The following NCOR1 variants were observed in gnomAD, a reference collection of about 807,000 sequenced individuals.
NCOR1 encodes the protein nuclear receptor corepressor 1.
A neutral mutation model predicts 288.1 loss-of-function variants in NCOR1; 63 were observed. That is an observed-to-expected ratio of 0.22 (90% confidence interval 0.18 to 0.27). The LOEUF (loss-of-function observed/expected upper bound fraction) is 0.27. NCOR1 is among the 10% of genes least tolerant of loss of function. The probability of loss-of-function intolerance (pLI) is 1.00; values close to 1 mark genes in which losing one functional copy is unlikely to be tolerated. For synonymous variants in NCOR1, 1,007 were observed against 1,065.9 expected, an observed-to-expected ratio of 0.94 and a Z score of 1.08; for missense variants, 2,397 against 3,019.2, an observed-to-expected ratio of 0.79 and a Z score of 4.83.
chr17:16,128,090 T>C (rs1455316963), intron 14 of NCOR1, among the ~76,000 whole-genome samples: 1 of 152,076 alleles, frequency 6.6e-6, no homozygotes, highest in Non-Finnish European at 1.5e-5. Context: ...GCATTTTTAT[T>C]TAATTCAGAA....
Position 16,031,295 on chromosome 17 carries a change from A to G in NCOR1, c.*1001T>C, listed in dbSNP as rs1971941863. On this transcript the variant is annotated 3_prime_UTR_variant, in exon 46 of 46. Transcript: ENST00000268712. Reference sequence around the variant, plus strand: ...TTATCTAAATACTACACAGATCATTATCTTTTAACCCAACCAATCATATAT... The same window carrying G: ...TTATCTAAATACTACACAGATCATTGTCTTTTAACCCAACCAATCATATAT... The G allele has an allele frequency of 5.2e-6, 1 of 193,374 alleles. No individual in the cohort carries two copies. Among genetic ancestry groups the G allele is most frequent in the South Asian group, 1.9e-4 (1 of 5,184 alleles). The allele number at this position is 193,374 out of a possible 1,614,324, so 12.0% of individuals were successfully genotyped here. A position where few individuals can be genotyped will look rare whatever the true frequency, so the allele number is the denominator to read the frequency against.
Position 16,062,245 on chromosome 17 carries a change from G to A in NCOR1, c.5247C>T (p.Gly1749=), listed in dbSNP as rs754462039. The part of the protein sequence containing the change: ...RPGSEQPGRP[G]SHGYVRSPSP... Reference sequence around the variant, plus strand: ...AAGGGGAGCGAACATATCCATGACTGCCAGGTCGGCCAGGCTGTTCTGAGC... The same window carrying A: ...AAGGGGAGCGAACATATCCATGACTACCAGGTCGGCCAGGCTGTTCTGAGC... The change falls in exon 36 of 46, where the codon GGC becomes GGT. Residue 1749 remains glycine (G), a synonymous_variant. Coordinates refer to ENST00000268712, the MANE Select transcript of NCOR1 (RefSeq NM_006311.4). The A allele has an allele frequency of 6.8e-6, 11 of 1,609,650 alleles. 1 individual carries two copies. The South Asian group carries it at 1.0e-4, about 15-fold the overall frequency.
intron 1 of NCOR1, among the ~76,000 whole-genome samples, chr17:16,211,325 A>G (rs140301710): frequency 1.4e-3 from 209 of 151,816 alleles, no homozygotes; most frequent in African/African-American, 4.8e-3. Flanking sequence ...CACTGGCATG[A>G]TCATGGCTCA....
At chr17:16,106,883 ATTTTTTTTTTT>A (rs144246158) in intron 19 of NCOR1, among the ~76,000 whole-genome samples, 2 of 31,402 alleles carry the variant, frequency 6.4e-5, no homozygotes, top group Middle Eastern at 0.033. Flanking sequence ...ATATATATAT[ATTTTTTTTTTT>A]TTTTTTTTTT....
At position 16,121,097 on chromosome 17, in the gene NCOR1, C is replaced by T. The variant is rs2153150708; in HGVS notation, c.1807G>A (p.Ala603Thr). 6.2e-7 allele frequency: 1 copy of T among 1,614,138 alleles called. No homozygotes were observed. The highest frequency in any genetic ancestry group is 8.5e-7 in the Non-Finnish European group (1 of 1,180,006). ...AAAASAAAAA[A>T]TEEPPPPLPP... ...AGAGGTGGTGGGGGCTCTTCAGTAGCCGCTGCGGCTGCAGCACTGGCAGCT... is the reference window on the plus strand; with the variant it reads ...AGAGGTGGTGGGGGCTCTTCAGTAGTCGCTGCGGCTGCAGCACTGGCAGCT... Residue 603 changes from alanine (A) to threonine (T), a missense_variant, in exon 16 of 46, where the codon GCT becomes ACT. By Grantham distance (58) the Ala-to-Thr change is moderately conservative. Coordinates refer to ENST00000268712, the MANE Select transcript of NCOR1 (RefSeq NM_006311.4).
At position 16,065,037 on chromosome 17, in the gene NCOR1, C is replaced by T. The variant is rs577013853; in HGVS notation, c.4952-18G>A. The T allele has an allele frequency of 1.9e-6, 3 of 1,608,574 alleles. No individual in the cohort carries two copies. In the South Asian group the frequency reaches 3.3e-5, roughly 18 times the overall value. On this transcript the variant is annotated intron_variant, in intron 33 of 45. Transcript: ENST00000268712. ...AATGATTCCTATCCAAAAGACAATA[C>T]AATTTATGTTAAGTGTTATTCTAAA...
rs1187981553 is a variant in NCOR1 at position 16,095,664 on chromosome 17, TG to T, written c.2820+2702del. Reference sequence around the variant, plus strand: ...CCAGCCGCCCCGTCCGGGAGGGAGGTGGGGGGGGGGGTCAGCCGCCCCGTCC... The same window carrying T: ...CCAGCCGCCCCGTCCGGGAGGGAGGTGGGGGGGGGGTCAGCCGCCCCGTCC... On this transcript the variant is annotated intron_variant, in intron 21 of 45. Coordinates refer to ENST00000268712, the MANE Select transcript of NCOR1 (RefSeq NM_006311.4). Among the ~76,000 whole-genome samples, 23 of 7,914 alleles carry T rather than the reference TG, an allele frequency of 2.9e-3. 3 individuals are homozygous for T. Among genetic ancestry groups the T allele is most frequent in the Non-Finnish European group, 5.2e-3 (18 of 3,442 alleles). 5.2% of individuals were successfully genotyped at this position (7,914 alleles called of 152,430 possible). A position where few individuals can be genotyped will look rare whatever the true frequency, so the allele number is the denominator to read the frequency against.
chr17:16,057,336 T>C, intron 40 of NCOR1, 178 bp downstream of exon 40: 1 of 625,094 alleles, frequency 1.6e-6, no homozygotes, highest in Non-Finnish European at 2.8e-6. Flanking sequence ...TAGTACCAAA[T>C]GCCAAGACAG....
chr17:16,125,527 C>T (rs576483925), intron 15 of NCOR1, among the ~76,000 whole-genome samples: 1 of 151,642 alleles, frequency 6.6e-6, no homozygotes, highest in African/African-American at 2.4e-5. Context: ...ACAGTGAAAC[C>T]CCATCTCTAC....
rs570669959 is a variant in NCOR1 at position 16,127,920 on chromosome 17, T to C, written c.1510-1714A>G. Reference sequence around the variant, plus strand: ...AGGCTACAGTACAGTGGCATGATCATAGCTTACTGCAGCCTCAAACTCCCA... The same window carrying C: ...AGGCTACAGTACAGTGGCATGATCACAGCTTACTGCAGCCTCAAACTCCCA... On this transcript the variant is annotated intron_variant, in intron 14 of 45. Coordinates refer to ENST00000268712, the MANE Select transcript of NCOR1 (RefSeq NM_006311.4). Among the ~76,000 whole-genome samples the C allele has an allele frequency of 1.8e-4, 27 of 151,958 alleles. No individual in the cohort carries two copies. In the South Asian group the frequency reaches 4.0e-3, roughly 22 times the overall value.
rs1017666343 is a variant in NCOR1, at chr17:16,115,966, T to G, written c.2055+1922A>C. The stretch of plus-strand genomic sequence containing the variant: ...CTGCTTATAAAGACATACCCAAGAC[T>G]GGGAAGAAAAAGAGGCTTAAAGGGC... On this transcript the variant is annotated intron_variant, in intron 18 of 45. Transcript: ENST00000268712. 1.3e-4 allele frequency among the ~76,000 whole-genome samples: 20 copies of G among 152,196 alleles called. No individual in the cohort carries two copies. The South Asian group carries it at 2.9e-3, about 22-fold the overall frequency.
chr17:16,136,848 A>G (rs1413947076), intron 14 of NCOR1, among the ~76,000 whole-genome samples: 2 of 151,274 alleles, frequency 1.3e-5, no homozygotes, highest in Non-Finnish European at 2.9e-5. Flanking sequence ...AAATTAAACT[A>G]TCTGAACTCC....
At chr17:16,061,931 A>C in intron 36 of NCOR1, 37 bp from the exon 37 acceptor site, 1 of 1,574,120 alleles carries the variant, frequency 6.4e-7, no homozygotes, top group Non-Finnish European at 8.6e-7. Flanking sequence ...TGTGAAGGGA[A>C]GACCATTTGC....
intron 4 of NCOR1, among the ~76,000 whole-genome samples, chr17:16,168,363 G>A (rs2082437332): frequency 1.3e-5 from 2 of 152,020 alleles, no homozygotes; most frequent in African/African-American, 4.8e-5. Flanking sequence ...ACCACGTCCA[G>A]ATAATTTTTG....
At chr17:16,120,588 T>A (rs942748976) in intron 16 of NCOR1, among the ~76,000 whole-genome samples, 4 of 152,140 alleles carry the variant, frequency 2.6e-5, no homozygotes, top group African/African-American at 7.2e-5. Flanking sequence ...GCTTTGACTA[T>A]TAGATCCAGT....
intron 15 of NCOR1, among the ~76,000 whole-genome samples, chr17:16,124,218 T>C (rs772465441): frequency 1.3e-5 from 2 of 152,176 alleles, no homozygotes. Context: ...ACAAGGACTA[T>C]AGATATAACA....
At chr17:16,072,037 CA>C in intron 29 of NCOR1, 107 bp downstream of exon 29, 3 of 876,026 alleles carry the variant, frequency 3.4e-6, no homozygotes, top group Non-Finnish European at 3.4e-6. Flanking sequence ...TTTAATATTT[CA>C]AAAGGGAAAA....
chr17:16,096,019 G>A (rs1007585910), intron 21 of NCOR1, among the ~76,000 whole-genome samples: 20 of 152,116 alleles, frequency 1.3e-4, no homozygotes, highest in Non-Finnish European at 2.6e-4. Flanking sequence ...GTTGATCTAT[G>A]ACCTTACCCC....
Position 16,080,005 on chromosome 17 carries a change from A to C in NCOR1, c.3460T>G (p.Ser1154Ala), listed in dbSNP as rs747978271. 5 of 1,614,150 alleles carry C rather than the reference A, an allele frequency of 3.1e-6. No homozygotes were observed. The highest frequency in any genetic ancestry group is 4.5e-5 in the East Asian group (2 of 44,872). Residue 1154 changes from serine (S) to alanine (A), a missense_variant, in exon 26 of 46, where the codon TCA (serine) becomes GCA (alanine). Ser to Ala is a moderately conservative substitution (Grantham distance 99, BLOSUM62 1). Coordinates refer to ENST00000268712, the MANE Select transcript of NCOR1 (RefSeq NM_006311.4). Reference sequence around the variant, plus strand: ...CGTAGGGATGGAATGCTCTCCACTGAAATTTTGCTGGTTGGAGTTCCCCGA... The same window carrying C: ...CGTAGGGATGGAATGCTCTCCACTGCAATTTTGCTGGTTGGAGTTCCCCGA... Reference protein sequence around the residue: ...ITRGTPTSKISVESIPSLRGS... With the variant: ...ITRGTPTSKIAVESIPSLRGS...
Sources: allele counts gnomAD v4.1 joint callset (sites outside exome capture counted in the v4.1 genomes callset), GRCh38; gene constraint gnomAD v4.1.1; transcripts MANE v1.5; gene names NCBI Gene and HGNC (gene_info 2026-07-23, HGNC 2026-07-21).